C1orf159: variants seen among roughly 807,000 people sequenced by gnomAD.
C1orf159 encodes chromosome 1 open reading frame 159.
C1orf159 carries 19 observed loss-of-function variants against 25.6 expected under a neutral mutation model. The ratio of observed to expected loss-of-function variants is 0.74; its 90% CI spans 0.52 to 1.09. The LOEUF is 1.09. Ranked by LOEUF, C1orf159 falls within the 50% of genes least tolerant of loss-of-function variation. The probability of loss-of-function intolerance (pLI) is 0.00; values close to 1 mark genes in which losing one functional copy is unlikely to be tolerated. For synonymous variants in C1orf159, 139 were observed against 124.7 expected (o/e 1.12, Z -0.77); for missense variants, 274 against 290.6 (o/e 0.94, Z 0.42).
intron 1 of C1orf159, among the ~76,000 whole-genome samples, chr1:1,095,924 T>A (rs1646003515): frequency 2.0e-5 from 3 of 152,194 alleles, no homozygotes; most frequent in Admixed American, 2.0e-4. Flanking sequence ...CTGCATCTAT[T>A]TCAGTGATCA....
At position 1,104,765 on chromosome 1, in the gene C1orf159, G is replaced by A. The variant is rs146578793; in HGVS notation, c.-136+11295C>T. ...CAGACGCATTCAAGCTGGTCGAGCC[G>A]GGAACGCACCTGCACTCCAGCCTGG... On this transcript the variant is annotated intron_variant, in intron 1 of 9. Transcript: ENST00000421241. 1.3e-4 allele frequency among the ~76,000 whole-genome samples: 20 copies of A among 152,164 alleles called. No homozygotes were observed. The East Asian group carries it at 3.1e-3, about 23-fold the overall frequency.
chr1:1,088,883 C>T (rs1012666823), intron 4 of C1orf159, among the ~76,000 whole-genome samples: 23 of 152,208 alleles, frequency 1.5e-4, no homozygotes, highest in African/African-American at 5.5e-4. Context: ...GAATGGAAGT[C>T]CACCCGCTCA....
At chr1:1,090,863 T>C (rs934580779) in intron 3 of C1orf159, 1 of 1,546,034 alleles carries the variant, frequency 6.5e-7, no homozygotes, top group African/African-American at 1.4e-5. Flanking sequence ...GTGCGCTGGG[T>C]GCTGGCACTT....
intron 1 of C1orf159, among the ~76,000 whole-genome samples, chr1:1,093,365 A>C (rs1645967128): frequency 6.6e-6 from 1 of 152,186 alleles, no homozygotes; most frequent in Non-Finnish European, 1.5e-5. Context: ...CTATTTAGTC[A>C]ACTTCATGGA....
At chr1:1,084,047 C>T in intron 9 of C1orf159, 1 of 1,608,716 alleles carries the variant, frequency 6.2e-7, no homozygotes, top group Non-Finnish European at 8.5e-7. Context: ...TGGGGGTCTG[C>T]CCTGTCGTGG....
At chr1:1,097,302 T>TC (rs1189640937) in intron 1 of C1orf159, among the ~76,000 whole-genome samples, 8 of 152,104 alleles carry the variant, frequency 5.3e-5, no homozygotes, top group Non-Finnish European at 8.8e-5. Flanking sequence ...AGACAGGGTT[T>TC]CACCATGTTG....
Position 1,087,674 on chromosome 1 carries a change from T to C in C1orf159, c.149-77A>G, listed in dbSNP as rs1174471934. ...TGGGTCTCCTGGGAATGATTCTCTA[T>C]TTGAGTTGGTGAGATAACTTTCATT... On this transcript the variant is annotated intron_variant, in intron 4 of 9. Transcript: ENST00000421241. This position sits in a 1 kb window ranked among gnomAD's most constrained non-coding sequence, Gnocchi z 8.3. The C allele has an allele frequency of 1.8e-6, 2 of 1,086,480 alleles. No homozygotes were observed. The highest frequency in any genetic ancestry group is 2.7e-6 in the Non-Finnish European group (2 of 753,920). 67.3% of individuals were successfully genotyped at this position (1,086,480 alleles called of 1,614,324 possible).
In C1orf159 at chr1:1,087,319, G is replaced by A; in HGVS notation, c.245-115C>T. On this transcript the variant is annotated intron_variant, in intron 5 of 9. Coordinates refer to ENST00000421241, the MANE Select transcript of C1orf159 (RefSeq NM_017891.5). The surrounding 1 kb of genome is among the most constrained non-coding windows in gnomAD (Gnocchi z 8.3). ...ATGAAAGCGAGGGGCTGAGGGGGCGGAGCAGCCCTCACCACAGAGCTGTCC... is the reference window on the plus strand; with the variant it reads ...ATGAAAGCGAGGGGCTGAGGGGGCGAAGCAGCCCTCACCACAGAGCTGTCC... The A allele has an allele frequency of 4.1e-6, 5 of 1,228,956 alleles. No individual in the cohort carries two copies. Among genetic ancestry groups the A allele is most frequent in the South Asian group, 1.5e-5 (1 of 65,876 alleles). 76.1% of individuals were successfully genotyped at this position (1,228,956 alleles called of 1,614,324 possible).
intron 1 of C1orf159, among the ~76,000 whole-genome samples, chr1:1,094,115 G>T (rs563042260): frequency 1.3e-5 from 2 of 151,768 alleles, no homozygotes; most frequent in Admixed American, 6.6e-5. Flanking sequence ...CAGGGGTGGG[G>T]GGCATAGGGT....
intron 3 of C1orf159, chr1:1,091,171 C>G (rs1308535678): frequency 3.2e-6 from 2 of 617,942 alleles, no homozygotes; most frequent in Non-Finnish European, 5.7e-6. Context: ...GATAGCGATG[C>G]GCGGCACGCT....
intron 9 of C1orf159, 166 bp downstream of exon 9, chr1:1,084,187 C>T (rs1228296590): frequency 7.2e-6 from 11 of 1,527,222 alleles, no homozygotes; most frequent in Non-Finnish European, 9.7e-6. Flanking sequence ...GGGCACCAGC[C>T]AAATCCGGCC....
intron 7 of C1orf159, among the ~76,000 whole-genome samples, chr1:1,085,496 A>G (rs1449353294): frequency 6.6e-6 from 1 of 151,632 alleles, no homozygotes; most frequent in East Asian, 2.0e-4. Context: ...TGACCCCAGG[A>G]GAGGGGAGGG....
At position 1,090,345 on chromosome 1, in the gene C1orf159, C is replaced by A. The variant is rs186537688; in HGVS notation, c.148+8G>T. ...GGTCTGGAATCTGCTTGGGACAAAG[C>A]GGCTTACCTGGACCACACAGACTTG... On this transcript the variant is annotated splice_region_variant and intron_variant, in intron 4 of 9. Coordinates refer to ENST00000421241, the MANE Select transcript of C1orf159 (RefSeq NM_017891.5). 1.3e-6 allele frequency: 2 copies of A among 1,550,488 alleles called. No individual in the cohort carries two copies. The highest frequency in any genetic ancestry group is 1.2e-5 in the South Asian group (1 of 84,068).
rs918545205 is a variant in C1orf159 at position 1,084,647 on chromosome 1, G to A, written c.446-141C>T. 7.8e-5 allele frequency: 80 copies of A among 1,029,624 alleles called. 1 individual carries two copies. Among genetic ancestry groups the A allele is most frequent in the Admixed American group, 1.3e-4 (5 of 39,628 alleles). The allele number at this position is 1,029,624 out of a possible 1,614,324, so 63.8% of individuals were successfully genotyped here. A position where few individuals can be genotyped will look rare whatever the true frequency, so the allele number is the denominator to read the frequency against. On this transcript the variant is annotated intron_variant, in intron 7 of 9. Transcript: ENST00000421241. ...CGTCCTCGGAGCAGCAGAGGCCCCG[G>A]GGCTGCAGGGTCTCCCCCAACCTCT... is the stretch of plus-strand genomic sequence containing the variant.
chr1:1,113,627 A>G (rs535643921), intron 1 of C1orf159, among the ~76,000 whole-genome samples: 1 of 152,280 alleles, frequency 6.6e-6, no homozygotes, highest in East Asian at 1.9e-4. Flanking sequence ...ATGGACGGGT[A>G]GGAGGCAGAA....
At chr1:1,099,473 G>C (rs1646062967) in intron 1 of C1orf159, among the ~76,000 whole-genome samples, 1 of 130,274 alleles carries the variant, frequency 7.7e-6, no homozygotes, top group Non-Finnish European at 1.6e-5. Context: ...TCTAAGAATT[G>C]CAGAGAGAGA....
chr1:1,087,624 C>A lies in C1orf159; in HGVS notation c.149-27G>T. 1 of 1,501,944 alleles carries A rather than the reference C, an allele frequency of 6.7e-7. No individual in the cohort carries two copies. The highest frequency in any genetic ancestry group is 8.9e-7 in the Non-Finnish European group (1 of 1,117,778). 93.0% of individuals were successfully genotyped at this position (1,501,944 alleles called of 1,614,324 possible). On this transcript the variant is annotated intron_variant, in intron 4 of 9. Coordinates refer to ENST00000421241, the MANE Select transcript of C1orf159 (RefSeq NM_017891.5). The surrounding 1 kb of genome is among the most constrained non-coding windows in gnomAD (Gnocchi z 8.3). ...TGCGTGGGGCAGAGGACGGGCATGT[C>A]AGCCAAAGCAAAATCCACACCAGCT...
chr1:1,089,665 C>T lies in C1orf159; in HGVS notation c.148+688G>A, dbSNP rs553150011. ...TTCTTCCATCATGGGAGGGCTGGAC[C>T]CCCAGGATGGGAGTGCCAAGGCCCT... is the stretch of plus-strand genomic sequence containing the variant. On this transcript the variant is annotated intron_variant, in intron 4 of 9. Transcript: ENST00000421241. This position sits in a 1 kb window ranked among gnomAD's most constrained non-coding sequence, Gnocchi z 7.5. 7.1e-4 allele frequency among the ~76,000 whole-genome samples: 108 copies of T among 152,250 alleles called. No individual in the cohort carries two copies. Among genetic ancestry groups the T allele is most frequent in the African/African-American group, 2.1e-3 (88 of 41,550 alleles).
At chr1:1,094,367 T>C (rs561094545) in intron 1 of C1orf159, among the ~76,000 whole-genome samples, 27 of 152,200 alleles carry the variant, frequency 1.8e-4, no homozygotes, top group African/African-American at 6.5e-4. Context: ...ATCAGACTTA[T>C]GTATTGCAAA....
Sources: allele counts gnomAD v4.1 joint callset (sites outside exome capture counted in the v4.1 genomes callset), GRCh38; gene constraint gnomAD v4.1.1; non-coding constraint Gnocchi (gnomAD v3.1); transcripts MANE v1.5; gene names NCBI Gene and HGNC (gene_info 2026-07-23, HGNC 2026-07-21).